Variants in EYS observed in about 807,000 individuals in gnomAD.
EYS encodes the protein protein eyes shut homolog.
Under a neutral mutation model 282.1 loss-of-function variants are expected in EYS, and 250 were observed. That is an observed-to-expected ratio of 0.89 (90% CI 0.80 to 0.98). The LOEUF (loss-of-function observed/expected upper bound fraction) is 0.98, where lower values mean the gene tolerates loss of function less well. EYS is among the 50% of genes least tolerant of loss of function. EYS has a pLI of 0.00. For synonymous variants in EYS, 1,355 were observed against 1,282.9 expected, an observed-to-expected ratio of 1.06 and a Z score of -1.20; for missense variants, 4,016 against 3,709.0, an observed-to-expected ratio of 1.08 and a Z score of -2.15.
intron 36 of EYS, among the ~76,000 whole-genome samples, chr6:63,844,186 C>G (rs755024731): frequency 1.2e-4 from 19 of 152,192 alleles, no homozygotes; most frequent in Non-Finnish European, 2.4e-4. Context: ...GACATGAATT[C>G]ATTCCTTTTT....
At chr6:64,348,872 T>C (rs1395102193) in intron 29 of EYS, among the ~76,000 whole-genome samples, 5 of 151,452 alleles carry the variant, frequency 3.3e-5, no homozygotes. Flanking sequence ...TTACCAATAA[T>C]GACATTTGGC....
intron 13 of EYS, among the ~76,000 whole-genome samples, chr6:65,048,219 T>C (rs1225638587): frequency 1.3e-5 from 2 of 151,880 alleles, no homozygotes; most frequent in Non-Finnish European, 2.9e-5. Flanking sequence ...TACCAAATAT[T>C]TTCAAGAAGG....
In EYS at chr6:64,102,049, G is replaced by A. The variant is rs186349976; in HGVS notation, c.6425-20047C>T. Among the ~76,000 whole-genome samples the A allele has an allele frequency of 4.5e-4, 69 of 152,076 alleles. 1 individual carries two copies. Among genetic ancestry groups the A allele is most frequent in the African/African-American group, 1.5e-3 (63 of 41,496 alleles). The stretch of plus-strand genomic sequence containing the variant: ...TGGCTGTAAGTACAGAGGAAGCTTC[G>A]CTGGATCACCCACCACTCTCCTCCT... On this transcript the variant is annotated intron_variant, in intron 31 of 42. Transcript: ENST00000503581.
intron 7 of EYS, among the ~76,000 whole-genome samples, chr6:65,392,835 G>T (rs982831120): frequency 1.7e-4 from 26 of 151,210 alleles, no homozygotes; most frequent in Non-Finnish European, 3.7e-4. Context: ...TATACCCAAA[G>T]GAATATAAAT....
At chr6:64,088,375 C>A (rs1772231818) in intron 31 of EYS, among the ~76,000 whole-genome samples, 1 of 151,874 alleles carries the variant, frequency 6.6e-6, no homozygotes, top group Non-Finnish European at 1.5e-5. Flanking sequence ...GTACTGACTA[C>A]AAAATGACAT....
intron 15 of EYS, among the ~76,000 whole-genome samples, chr6:64,913,656 G>A (rs967960698): frequency 8.5e-5 from 13 of 152,102 alleles, no homozygotes; most frequent in South Asian, 6.2e-4. Context: ...CCAGTCCACC[G>A]TTGATAGACA....
intron 31 of EYS, among the ~76,000 whole-genome samples, chr6:64,089,527 T>C (rs1184808604): frequency 6.9e-6 from 1 of 145,516 alleles, no homozygotes; most frequent in Non-Finnish European, 1.5e-5. Flanking sequence ...TAATATAGTA[T>C]ATATAAATTA....
intron 15 of EYS, among the ~76,000 whole-genome samples, chr6:64,945,262 A>T (rs1769247152): frequency 6.6e-6 from 1 of 152,038 alleles, no homozygotes; most frequent in South Asian, 2.1e-4. Context: ...ATAATACATA[A>T]ACACCTACTC....
At position 65,042,643 on chromosome 6, in the gene EYS, AT is replaced by A. The variant is rs1772974358; in HGVS notation, c.2137+14970del. On this transcript the variant is annotated intron_variant, in intron 13 of 42. Transcript: ENST00000503581. Reference sequence around the variant, plus strand: ...TATTATTGTCATATTTGTTATGTTTATTATTTATAAATCCACCATTCAGCAT... The same window carrying A: ...TATTATTGTCATATTTGTTATGTTTATATTTATAAATCCACCATTCAGCAT... Among the ~76,000 whole-genome samples, 3 of 151,286 alleles carry A rather than the reference AT, an allele frequency of 2.0e-5. No homozygotes were observed. In the Admixed American group the frequency reaches 2.0e-4, roughly 10 times the overall value.
chr6:64,348,097 C>T (rs915189016), intron 29 of EYS, among the ~76,000 whole-genome samples: 5 of 151,304 alleles, frequency 3.3e-5, no homozygotes, highest in Non-Finnish European at 7.4e-5. Flanking sequence ...CAAGACAATT[C>T]TGGCTTGCTA....
At chr6:64,168,973 A>G (rs1226126553) in intron 31 of EYS, among the ~76,000 whole-genome samples, 1 of 152,238 alleles carries the variant, frequency 6.6e-6, no homozygotes, top group Non-Finnish European at 1.5e-5. Flanking sequence ...AACATGATTC[A>G]GAGAATATAA....
intron 40 of EYS, among the ~76,000 whole-genome samples, chr6:63,763,100 T>G (rs1016161640): frequency 6.6e-6 from 1 of 151,986 alleles, no homozygotes; most frequent in Admixed American, 6.6e-5. Flanking sequence ...TGGAGACAAG[T>G]CAAACGTGAG....
intron 29 of EYS, among the ~76,000 whole-genome samples, chr6:64,346,829 A>G (rs1444964262): frequency 6.6e-6 from 1 of 151,546 alleles, no homozygotes; most frequent in Admixed American, 6.6e-5. Flanking sequence ...TAATTATAAT[A>G]TTGTCATTGG....
intron 22 of EYS, among the ~76,000 whole-genome samples, chr6:64,633,594 G>A (rs1297716708): frequency 6.8e-6 from 1 of 146,132 alleles, no homozygotes; most frequent in Non-Finnish European, 1.5e-5. Context: ...TCTGACTGCA[G>A]TAGTTTTCAC....
intron 8 of EYS, among the ~76,000 whole-genome samples, chr6:65,377,871 G>C (rs1765437525): frequency 6.6e-6 from 1 of 151,988 alleles, no homozygotes; most frequent in Non-Finnish European, 1.5e-5. Flanking sequence ...GTCAAATCGT[G>C]AATAGACCAA....
chr6:64,922,195 C>T (rs1030554887), intron 15 of EYS, among the ~76,000 whole-genome samples: 5 of 152,222 alleles, frequency 3.3e-5, no homozygotes, highest in African/African-American at 1.2e-4. Flanking sequence ...CATACACATG[C>T]ATATGCATAT....
chr6:63,893,995 A>G (rs1189238858), intron 35 of EYS, among the ~76,000 whole-genome samples: 1 of 152,166 alleles, frequency 6.6e-6, no homozygotes. Context: ...TGGACTTCTG[A>G]GAGACCTGAC....
chr6:65,529,481 A>T (rs1365123653), intron 2 of EYS, among the ~76,000 whole-genome samples: 1 of 152,240 alleles, frequency 6.6e-6, no homozygotes, highest in Non-Finnish European at 1.5e-5. Flanking sequence ...ACTTTGACAG[A>T]TGAAACACAG....
At chr6:64,856,903 G>T (rs1467400172) in intron 19 of EYS, among the ~76,000 whole-genome samples, 1 of 151,850 alleles carries the variant, frequency 6.6e-6, no homozygotes, top group African/African-American at 2.4e-5. Context: ...ATTTTCAGAA[G>T]TTTTATATTT....
Sources: allele counts gnomAD v4.1 joint callset (sites outside exome capture counted in the v4.1 genomes callset), GRCh38; gene constraint gnomAD v4.1.1; transcripts MANE v1.5; gene names NCBI Gene and HGNC (gene_info 2026-07-23, HGNC 2026-07-21).